TEX55: variants seen among roughly 807,000 people sequenced by gnomAD.
TEX55 encodes the protein testis expressed 55.
A neutral mutation model predicts 44.6 loss-of-function variants in TEX55; 31 were observed. The ratio of observed to expected loss-of-function variants is 0.69; its 90% CI spans 0.52 to 0.94. The LOEUF (loss-of-function observed/expected upper bound fraction) is 0.94, where lower values mean the gene tolerates loss of function less well. Among genes scored for constraint, TEX55 ranks in the 40% least tolerant of loss-of-function variants. The pLI, the probability that TEX55 is intolerant of heterozygous loss-of-function variation, is 0.00. For missense variants in TEX55, 639 were observed against 638.4 expected (o/e 1.00, Z -0.01); for synonymous variants, 230 against 230.9 (o/e 1.00, Z 0.04).
chr3:119,147,624 T>C (rs1337413638), intron 1 of TEX55, 37 bp downstream of exon 1: 1 of 1,556,094 alleles, frequency 6.4e-7, no homozygotes, highest in African/African-American at 1.4e-5. Context: ...ACCTGGGAGA[T>C]CAGAGATCTA....
At chr3:119,148,923 C>T (rs1423270600) in intron 2 of TEX55, among the ~76,000 whole-genome samples, 1 of 152,144 alleles carries the variant, frequency 6.6e-6, no homozygotes, top group Non-Finnish European at 1.5e-5. Context: ...AAAAATGGTA[C>T]ACCTCTATGG....
chr3:119,146,559 A>C lies in TEX55; in HGVS notation c.370A>C (p.Asn124His). ...TKGKASSQAN[N>H]VQHEQSDGQV... Reference sequence around the variant, plus strand: ...AGGCAAGGCATCTAGCCAAGCTAATAATGTACAGCATGAACAGAGTGATGG... The same window carrying C: ...AGGCAAGGCATCTAGCCAAGCTAATCATGTACAGCATGAACAGAGTGATGG... The change falls in exon 1 of 3, where the codon AAT becomes CAT. Residue 124 changes from asparagine to histidine, a missense_variant. By Grantham distance (68) the Asn-to-His change is moderately conservative (BLOSUM62 1). Coordinates refer to ENST00000295622, the MANE Select transcript of TEX55 (RefSeq NM_152539.3). The C allele has an allele frequency of 6.2e-7, 1 of 1,613,980 alleles. No individual in the cohort carries two copies. Among genetic ancestry groups the C allele is most frequent in the Non-Finnish European group, 8.5e-7 (1 of 1,180,050 alleles).
intron 2 of TEX55, 73 bp from the exon 3 acceptor site, chr3:119,151,151 T>C (rs2077777528): frequency 1.1e-6 from 1 of 950,494 alleles, no homozygotes; most frequent in Non-Finnish European, 1.7e-6. Flanking sequence ...GTGGGAAAGA[T>C]AGCATCAAAT....
At position 119,148,274 on chromosome 3, in the gene TEX55, A is replaced by T; in HGVS notation, c.1493A>T (p.Gln498Leu). The change falls in exon 2 of 3, where the codon CAA becomes CTA. Residue 498 changes from glutamine to leucine, a missense_variant. Coordinates refer to ENST00000295622, the MANE Select transcript of TEX55 (RefSeq NM_152539.3). Reference sequence around the variant, plus strand: ...TCTATAGTTTATGAAGATCCTTACCAAGTTTCACTCCAATACATGGAAAAA... The same window carrying T: ...TCTATAGTTTATGAAGATCCTTACCTAGTTTCACTCCAATACATGGAAAAA... Reference protein sequence around the residue: ...FPSIVYEDPYQVSLQYMEKHH... With the variant: ...FPSIVYEDPYLVSLQYMEKHH... 1 of 1,613,060 alleles carries T rather than the reference A, an allele frequency of 6.2e-7. No individual in the cohort carries two copies.
chr3:119,146,511 C>A lies in TEX55; in HGVS notation c.322C>A (p.Gln108Lys), dbSNP rs770928428. 6.2e-7 allele frequency: 1 copy of A among 1,613,994 alleles called. No homozygotes were observed. The highest frequency in any genetic ancestry group is 2.2e-5 in the East Asian group (1 of 44,890). The stretch of plus-strand genomic sequence containing the variant: ...CCTTAGAGCAGATGATCAGGTTAAT[C>A]AAACACCGTCTGAACAGACTAAAGG... ...SDLRADDQVN[Q>K]TPSEQTKGKA... Residue 108 changes from glutamine (Q) to lysine (K), a missense_variant, in exon 1 of 3, where the codon CAA becomes AAA. By Grantham distance (53) the Gln-to-Lys change is moderately conservative. Transcript: ENST00000295622.
rs774204173 is a variant in TEX55, at chr3:119,147,173, T to A, written c.984T>A (p.Ser328Arg). The change falls in exon 1 of 3, where the codon AGT (serine) becomes AGA (arginine). Residue 328 changes from serine (S) to arginine (R), a missense_variant. By Grantham distance (110) the Ser-to-Arg change is moderately radical (BLOSUM62 -1). Transcript: ENST00000295622. ...ACCAGGCTATTGACCAAGCTCATAGTAATGCTGATCAACCTCCAGTTGACA... is the reference window on the plus strand; with the variant it reads ...ACCAGGCTATTGACCAAGCTCATAGAAATGCTGATCAACCTCCAGTTGACA... ...AEHQAIDQAH[S>R]NADQPPVDNA... 1 of 1,614,198 alleles carries A rather than the reference T, an allele frequency of 6.2e-7. No homozygotes were observed. The highest frequency in any genetic ancestry group is 1.7e-5 in the Admixed American group (1 of 60,020).
intron 2 of TEX55, among the ~76,000 whole-genome samples, chr3:119,149,007 A>G (rs2077757292): frequency 6.6e-6 from 1 of 152,128 alleles, no homozygotes; most frequent in Non-Finnish European, 1.5e-5. Flanking sequence ...GAGTCAGTGT[A>G]AAGGCCTTGG....
intron 2 of TEX55, 123 bp from the exon 3 acceptor site, chr3:119,151,101 A>G (rs2077777108): frequency 1.5e-6 from 1 of 679,386 alleles, no homozygotes; most frequent in African/African-American, 1.8e-5. Context: ...GTGGGAACCC[A>G]TCTCTGAAAA....
At chr3:119,147,898 T>C (rs2077745362) in intron 1 of TEX55, among the ~76,000 whole-genome samples, 1 of 152,208 alleles carries the variant, frequency 6.6e-6, no homozygotes, top group Admixed American at 6.5e-5. Flanking sequence ...TTTCCCTCTC[T>C]GGGCTTCTAC....
chr3:119,147,661 G>T (rs569882806), intron 1 of TEX55, 74 bp downstream of exon 1: 3 of 1,283,652 alleles, frequency 2.3e-6, no homozygotes, highest in South Asian at 1.4e-5. Flanking sequence ...TAAAAATAGG[G>T]GTACAACGGA....
rs2077749838 is a variant in TEX55, at chr3:119,148,288, T to C, written c.1507T>C (p.Tyr503His). The C allele has an allele frequency of 1.9e-6, 3 of 1,611,758 alleles. No individual in the cohort carries two copies. Among genetic ancestry groups the C allele is most frequent in the African/African-American group, 1.3e-5 (1 of 74,846 alleles). The change falls in exon 2 of 3, where the codon TAC becomes CAC. Residue 503 changes from tyrosine to histidine, a missense_variant. Transcript: ENST00000295622. ...AGATCCTTACCAAGTTTCACTCCAA[T>C]ACATGGAAAAACACCACATTCTGCA... is the stretch of plus-strand genomic sequence containing the variant. ...YEDPYQVSLQ[Y>H]MEKHHILQIF...
chr3:119,148,345 TTTAA>T (rs150096332), intron 2 of TEX55, 22 bp downstream of exon 2: 30,759 of 1,600,942 alleles, frequency 0.019, 396 homozygotes, highest in Middle Eastern at 0.052. Context: ...AATTCCTCTC[TTTAA>T]TTATAAGTTT....
In TEX55 at chr3:119,151,422, CAA is replaced by C; in HGVS notation, c.*131_*132del. ...AGTAAACATACCTGTAACTACCATT[CAA>C]GTTTTTAAAAAATAAATAAAACATA... On this transcript the variant is annotated 3_prime_UTR_variant, in exon 3 of 3. Coordinates refer to ENST00000295622, the MANE Select transcript of TEX55 (RefSeq NM_152539.3). 1 of 661,808 alleles carries C rather than the reference CAA, an allele frequency of 1.5e-6. No homozygotes were observed. The highest frequency in any genetic ancestry group is 2.4e-5 in the South Asian group (1 of 41,224). 41.0% of individuals were successfully genotyped at this position (661,808 alleles called of 1,614,324 possible).
At position 119,148,219 on chromosome 3, in the gene TEX55, A is replaced by G. The variant is rs1383754044; in HGVS notation, c.1438A>G (p.Ile480Val). Reference sequence around the variant, plus strand: ...AATTGACCAAGGAAAGGGTTATCATATACGCAATCAAACTTATAGAAGGTT... The same window carrying G: ...AATTGACCAAGGAAAGGGTTATCATGTACGCAATCAAACTTATAGAAGGTT... ...SEIDQGKGYH[I>V]RNQTYRRFPS... The change falls in exon 2 of 3, where the codon ATA (isoleucine) becomes GTA (valine). Residue 480 changes from isoleucine (I) to valine (V), a missense_variant. Physicochemically the swap from Ile to Val is conservative, Grantham distance 29 (BLOSUM62 3). Transcript: ENST00000295622. 4 of 1,611,708 alleles carry G rather than the reference A, an allele frequency of 2.5e-6. No individual in the cohort carries two copies. In the East Asian group the frequency reaches 6.7e-5, roughly 27 times the overall value.
chr3:119,148,427 G>T (rs915430464), intron 2 of TEX55, 104 bp downstream of exon 2: 19 of 1,059,034 alleles, frequency 1.8e-5, no homozygotes, highest in Non-Finnish European at 2.6e-5. Flanking sequence ...GACAATAAGT[G>T]CATTAAGATG....
Position 119,151,262 on chromosome 3 carries a change from C to A in TEX55, c.1581C>A (p.Asp527Glu). Residue 527 changes from aspartate to glutamate, a missense_variant, in exon 3 of 3, where the codon GAC becomes GAA. Asp to Glu is a conservative substitution (Grantham distance 45). Transcript: ENST00000295622. ...TENLVYEKPEDPLNFMLCQV is the reference protein window; with the variant it reads ...TENLVYEKPEEPLNFMLCQV Reference sequence around the variant, plus strand: ...ACTTAGTCTATGAAAAGCCAGAGGACCCCCTGAATTTTATGCTGTGCCAGG... The same window carrying A: ...ACTTAGTCTATGAAAAGCCAGAGGAACCCCTGAATTTTATGCTGTGCCAGG... 6.2e-7 allele frequency: 1 copy of A among 1,613,038 alleles called. No individual in the cohort carries two copies. Among genetic ancestry groups the A allele is most frequent in the Non-Finnish European group, 8.5e-7 (1 of 1,179,118 alleles).
intron 2 of TEX55, among the ~76,000 whole-genome samples, chr3:119,150,163 TG>T (rs2077768341): frequency 1.3e-5 from 2 of 152,196 alleles, no homozygotes; most frequent in Non-Finnish European, 2.9e-5. Flanking sequence ...TCATTAACCT[TG>T]GTCTATGCCT....
chr3:119,146,974 T>C lies in TEX55; in HGVS notation c.785T>C (p.Met262Thr), dbSNP rs1384125839. ...QRPSVQIDRR[M>T]SGKVRRRSSE... ...CCTTCCGTACAGATTGACCGCAGAA[T>C]GTCAGGGAAAGTTAGGAGAAGAAGT... Residue 262 changes from methionine to threonine, a missense_variant, in exon 1 of 3, where the codon ATG becomes ACG. Transcript: ENST00000295622. The C allele has an allele frequency of 1.2e-6, 2 of 1,614,218 alleles. No homozygotes were observed. The highest frequency in any genetic ancestry group is 1.7e-6 in the Non-Finnish European group (2 of 1,180,030).
In TEX55 at chr3:119,151,310, A is replaced by C; in HGVS notation, c.*18A>C. 2 of 1,607,730 alleles carry C rather than the reference A, an allele frequency of 1.2e-6. No individual in the cohort carries two copies. Among genetic ancestry groups the C allele is most frequent in the Non-Finnish European group, 1.7e-6 (2 of 1,174,826 alleles). On this transcript the variant is annotated 3_prime_UTR_variant, in exon 3 of 3. Coordinates refer to ENST00000295622, the MANE Select transcript of TEX55 (RefSeq NM_152539.3). ...AGGTATAGAATTGGAGAAAAAGAAC[A>C]ACCTTTTTATTCTCTTTATTGTAAA...
Sources: allele counts gnomAD v4.1 joint callset (sites outside exome capture counted in the v4.1 genomes callset), GRCh38; gene constraint gnomAD v4.1.1; transcripts MANE v1.5; gene names NCBI Gene and HGNC (gene_info 2026-07-23, HGNC 2026-07-21).